The following PHAF1 variants were observed in gnomAD, a reference collection of about 807,000 sequenced individuals.
The protein encoded by PHAF1 is phagophore assembly factor 1, also known as phagosome assembly factor 1.
Under a neutral mutation model 63.1 loss-of-function variants are expected in PHAF1, and 23 were observed. That is an observed-to-expected ratio of 0.36 (90% CI 0.26 to 0.52). PHAF1 has a LOEUF of 0.52. Ranked by LOEUF, PHAF1 falls within the 20% of genes least tolerant of loss-of-function variation. The probability of loss-of-function intolerance (pLI) is 0.93; values close to 1 mark genes in which losing one functional copy is unlikely to be tolerated. For missense variants in PHAF1, 427 were observed against 517.2 expected, an observed-to-expected ratio of 0.83 and a Z score of 1.69; for synonymous variants, 167 against 185.0, an observed-to-expected ratio of 0.90 and a Z score of 0.79.
In PHAF1 at chr16:67,130,961, A is replaced by G. The variant is rs1963369321; in HGVS notation, c.232-325A>G. Among the ~76,000 whole-genome samples the G allele has an allele frequency of 2.0e-5, 3 of 152,172 alleles. No homozygotes were observed. In the South Asian group the frequency reaches 6.2e-4, roughly 32 times the overall value. ...GAAACTGGTTTTTTCCCTGGTTTCA[A>G]AATAACAAAGGACTGTCATGGTGGC... On this transcript the variant is annotated intron_variant, in intron 3 of 15. Coordinates refer to ENST00000219139, the MANE Select transcript of PHAF1 (RefSeq NM_025187.5).
intron 15 of PHAF1, among the ~76,000 whole-genome samples, chr16:67,146,764 A>G (rs1012305564): frequency 5.3e-5 from 8 of 152,212 alleles, no homozygotes; most frequent in Non-Finnish European, 1.0e-4. Context: ...GAGAACAGCA[A>G]GCTGCCCTTG....
At chr16:67,126,576 T>G (rs562048581) in intron 3 of PHAF1, among the ~76,000 whole-genome samples, 3 of 151,748 alleles carry the variant, frequency 2.0e-5, no homozygotes, top group Admixed American at 6.6e-5. Flanking sequence ...CAGTCTGGTT[T>G]TCTTTGTTTT....
Position 67,147,478 on chromosome 16 carries a change from G to A in PHAF1, c.*347G>A, listed in dbSNP as rs1252515472. The A allele has an allele frequency of 3.7e-6, 1 of 270,246 alleles. No individual in the cohort carries two copies. The highest frequency in any genetic ancestry group is 7.0e-6 in the Non-Finnish European group (1 of 143,452). 16.7% of individuals were successfully genotyped at this position (270,246 alleles called of 1,614,324 possible). A position where few individuals can be genotyped will look rare whatever the true frequency, so the allele number is the denominator to read the frequency against. ...TGGGAAGACTTGGGGCTCTTTCTGT[G>A]ACTGAGGACACAGGCACCCAGGATA... On this transcript the variant is annotated 3_prime_UTR_variant, in exon 16 of 16. Coordinates refer to ENST00000219139, the MANE Select transcript of PHAF1 (RefSeq NM_025187.5).
chr16:67,120,251 C>T, intron 2 of PHAF1, 57 bp downstream of exon 2: 2 of 1,504,490 alleles, frequency 1.3e-6, no homozygotes, highest in South Asian at 1.1e-5. Context: ...GAGTCACTTC[C>T]AGAGCTGATG....
At chr16:67,111,906 C>T (rs549275473) in intron 1 of PHAF1, among the ~76,000 whole-genome samples, 1 of 152,292 alleles carries the variant, frequency 6.6e-6, no homozygotes, top group East Asian at 1.9e-4. Flanking sequence ...AGGTGTGAGC[C>T]ACCATGCCCA....
chr16:67,145,542 C>A, intron 13 of PHAF1, 28 bp from the exon 14 acceptor site: 2 of 1,613,872 alleles, frequency 1.2e-6, no homozygotes, highest in Non-Finnish European at 1.7e-6. Context: ...TCCCTACTAA[C>A]CCCTGCTCCC....
At chr16:67,127,396 T>C (rs573241597) in intron 3 of PHAF1, among the ~76,000 whole-genome samples, 126 of 152,308 alleles carry the variant, frequency 8.3e-4, no homozygotes, top group African/African-American at 2.9e-3. Flanking sequence ...AAACAAAACA[T>C]GGAAAGAGAA....
intron 1 of PHAF1, among the ~76,000 whole-genome samples, chr16:67,113,111 G>A (rs1962585485): frequency 1.3e-5 from 2 of 152,198 alleles, no homozygotes; most frequent in Admixed American, 6.5e-5. Flanking sequence ...CAGAGAGAGA[G>A]ATGATAAACA....
intron 8 of PHAF1, among the ~76,000 whole-genome samples, chr16:67,138,322 A>T (rs184442457): frequency 6.6e-6 from 1 of 152,298 alleles, no homozygotes; most frequent in African/African-American, 2.4e-5. Context: ...TGCTGAGAAT[A>T]GAGATTCTTG....
intron 6 of PHAF1, 138 bp downstream of exon 6, chr16:67,133,049 GGGTAAAGT>G (rs1254134726): frequency 1.4e-6 from 1 of 722,948 alleles, no homozygotes; most frequent in Non-Finnish European, 2.4e-6. Flanking sequence ...GAGCTCTACA[GGGTAAAGT>G]GGTAGAGTGG....
In PHAF1 at chr16:67,133,771, C is replaced by T. The variant is rs576500603; in HGVS notation, c.451-397C>T. 4.0e-4 allele frequency among the ~76,000 whole-genome samples: 60 copies of T among 149,716 alleles called. No individual in the cohort carries two copies. In the South Asian group the frequency reaches 0.012, roughly 31 times the overall value. On this transcript the variant is annotated intron_variant, in intron 6 of 15. Coordinates refer to ENST00000219139, the MANE Select transcript of PHAF1 (RefSeq NM_025187.5). Reference sequence around the variant, plus strand: ...CTCTAGCCTGGGCGACAGAGCGAGACTCCGTCTCAAAAAAAAAAAAAAAAT... The same window carrying T: ...CTCTAGCCTGGGCGACAGAGCGAGATTCCGTCTCAAAAAAAAAAAAAAAAT...
chr16:67,120,268 G>C lies in PHAF1; in HGVS notation c.147+74G>C. 4 of 1,374,190 alleles carry C rather than the reference G, an allele frequency of 2.9e-6. No homozygotes were observed. The East Asian group carries it at 9.3e-5, about 32-fold the overall frequency. 85.1% of individuals were successfully genotyped at this position (1,374,190 alleles called of 1,614,324 possible). On this transcript the variant is annotated intron_variant, in intron 2 of 15. Transcript: ENST00000219139. ...GTCACTTCCAGAGCTGATGCTTTGG[G>C]ATAGGCTGACTGGCAAGGATAGCTG...
At chr16:67,132,776 C>A in intron 5 of PHAF1, 41 bp from the exon 6 acceptor site, 1 of 1,513,498 alleles carries the variant, frequency 6.6e-7, no homozygotes, top group Non-Finnish European at 9.2e-7. Context: ...ATTTCAGATG[C>A]CAGTCAACCA....
At chr16:67,121,571 T>TTA (rs1962977801) in intron 2 of PHAF1, among the ~76,000 whole-genome samples, 1 of 151,342 alleles carries the variant, frequency 6.6e-6, no homozygotes, top group Admixed American at 6.6e-5. Flanking sequence ...TTAATTAAAT[T>TTA]AATTTATTTA....
chr16:67,115,716 C>T (rs1962707557), intron 1 of PHAF1, among the ~76,000 whole-genome samples: 1 of 152,206 alleles, frequency 6.6e-6, no homozygotes, highest in Non-Finnish European at 1.5e-5. Flanking sequence ...TTTCGTAGCC[C>T]TCCTTTACCA....
chr16:67,110,697 C>A (rs1236626838), intron 1 of PHAF1, among the ~76,000 whole-genome samples: 2 of 152,236 alleles, frequency 1.3e-5, no homozygotes, highest in South Asian at 4.1e-4. Flanking sequence ...CTGTGGCTTC[C>A]TTCCCCTTTT....
intron 8 of PHAF1, chr16:67,135,743 A>G: frequency 6.6e-6 from 1 of 151,976 alleles, no homozygotes; most frequent in Non-Finnish European, 1.5e-5. Flanking sequence ...AAGTGCTGGT[A>G]TTACAGGTGC....
intron 1 of PHAF1, among the ~76,000 whole-genome samples, chr16:67,113,750 CTTT>C (rs35147105): frequency 7.4e-6 from 1 of 135,314 alleles, no homozygotes. Context: ...CACCCAGCCT[CTTT>C]TTTTTTTTTT....
intron 3 of PHAF1, among the ~76,000 whole-genome samples, chr16:67,128,893 C>T (rs1333319825): frequency 6.6e-6 from 1 of 152,150 alleles, no homozygotes; most frequent in African/African-American, 2.4e-5. Flanking sequence ...GTGTTGGACC[C>T]GTATAGCTGT....
Sources: allele counts gnomAD v4.1 joint callset (sites outside exome capture counted in the v4.1 genomes callset), GRCh38; gene constraint gnomAD v4.1.1; transcripts MANE v1.5; gene names NCBI Gene and HGNC (gene_info 2026-07-23, HGNC 2026-07-21).